The following LMNTD1 variants were observed in gnomAD, a reference collection of about 807,000 sequenced individuals.
The protein encoded by LMNTD1 is lamin tail domain containing 1, also known as lamin tail domain-containing protein 1.
In LMNTD1, 35 loss-of-function variants were observed where a neutral mutation model predicts 50.9. The observed-to-expected ratio is 0.69, with a 90% CI of 0.53 to 0.91. LMNTD1 has a LOEUF of 0.91. Ranked by LOEUF, LMNTD1 falls within the 40% of genes least tolerant of loss-of-function variation. The pLI is 0.00. For synonymous variants in LMNTD1, 153 were observed against 161.9 expected, an observed-to-expected ratio of 0.94 and a Z score of 0.42; for missense variants, 470 against 475.5, an observed-to-expected ratio of 0.99 and a Z score of 0.11.
chr12:25,599,922 A>G (rs1291425988), intron 1 of LMNTD1, among the ~76,000 whole-genome samples: 3 of 152,014 alleles, frequency 2.0e-5, no homozygotes, highest in African/African-American at 7.2e-5. Context: ...TACCAATGAC[A>G]TTCTACACAG....
At chr12:25,619,244 C>CTATATATATATATA (rs1191217404) in intron 1 of LMNTD1, among the ~76,000 whole-genome samples, 2 of 73,646 alleles carry the variant, frequency 2.7e-5, no homozygotes, top group Non-Finnish European at 5.4e-5. Context: ...CTCTCTCTCT[C>CTATATATATATATA]TCTCTCTCTA....
At chr12:25,550,615 G>C (rs1004963419) in intron 2 of LMNTD1, among the ~76,000 whole-genome samples, 1 of 152,120 alleles carries the variant, frequency 6.6e-6, no homozygotes, top group Non-Finnish European at 1.5e-5. Context: ...ATAAGATTAT[G>C]TTAGCCAACC....
chr12:25,623,553 C>CAAA lies in LMNTD1; in HGVS notation c.58+24938_58+24940dup, dbSNP rs57326398. On this transcript the variant is annotated intron_variant, in intron 1 of 7. Transcript: ENST00000445693. ...TGGGTGATAGAGCAAGACTCTGTCTCAAAAAAAAAAAAAAAAAAAAAAAAA... is the reference window on the plus strand; with the variant it reads ...TGGGTGATAGAGCAAGACTCTGTCTCAAAAAAAAAAAAAAAAAAAAAAAAAAAA... 5.2e-4 allele frequency among the ~76,000 whole-genome samples: 30 copies of CAAA among 57,550 alleles called. 4 individuals carry two copies. In the East Asian group the frequency reaches 9.3e-3, roughly 18 times the overall value. 37.8% of individuals were successfully genotyped at this position (57,550 alleles called of 152,430 possible).
intron 1 of LMNTD1, among the ~76,000 whole-genome samples, chr12:25,561,436 ATGTAGT>A (rs1944318424): frequency 6.6e-6 from 1 of 152,190 alleles, no homozygotes; most frequent in South Asian, 2.1e-4. Flanking sequence ...TTCAGTTTCC[ATGTAGT>A]TGAGCAGTTT....
chr12:25,519,788 T>G, intron 7 of LMNTD1, 70 bp downstream of exon 7: 1 of 974,304 alleles, frequency 1.0e-6, no homozygotes, highest in Admixed American at 1.9e-5. Context: ...TGTCATCTAG[T>G]CGTTCCCACA....
chr12:25,527,457 C>T (rs567347897), intron 4 of LMNTD1, among the ~76,000 whole-genome samples: 23 of 150,958 alleles, frequency 1.5e-4, no homozygotes, highest in Non-Finnish European at 3.1e-4. Flanking sequence ...TTTCTATGTA[C>T]GATCCAGGGA....
intron 9 of LMNTD1, among the ~76,000 whole-genome samples, chr12:25,499,159 C>A (rs1003593356): frequency 6.6e-6 from 1 of 152,156 alleles, no homozygotes; most frequent in East Asian, 1.9e-4. Context: ...GCAGACTTAA[C>A]CTCCTGGGCT....
chr12:25,541,766 C>A (rs1211439560), intron 4 of LMNTD1, among the ~76,000 whole-genome samples: 4 of 134,716 alleles, frequency 3.0e-5, no homozygotes, highest in Non-Finnish European at 4.8e-5. Context: ...AAAGAAACTA[C>A]CATCAGAGTG....
intron 1 of LMNTD1, among the ~76,000 whole-genome samples, chr12:25,628,030 C>T (rs941645348): frequency 7.7e-6 from 1 of 129,254 alleles, no homozygotes; most frequent in African/African-American, 2.9e-5. Flanking sequence ...ATGGCGTGAA[C>T]CCGGGAGGCG....
At chr12:25,478,956 A>C (rs1938357790) in intron 9 of LMNTD1, among the ~76,000 whole-genome samples, 1 of 151,686 alleles carries the variant, frequency 6.6e-6, no homozygotes, top group South Asian at 2.1e-4. Context: ...ACCTGGATTG[A>C]GCTGTTGTGG....
At chr12:25,628,961 C>T (rs1016783012) in intron 1 of LMNTD1, among the ~76,000 whole-genome samples, 2 of 152,202 alleles carry the variant, frequency 1.3e-5, no homozygotes, top group East Asian at 1.9e-4. Flanking sequence ...AAGCACTTCC[C>T]AAAGGTGGTA....
At chr12:25,559,186 A>C (rs1177095327) in intron 1 of LMNTD1, among the ~76,000 whole-genome samples, 5 of 151,380 alleles carry the variant, frequency 3.3e-5, no homozygotes, top group Non-Finnish European at 7.4e-5. Context: ...CTAATGCTAT[A>C]CCTCCCCCCT....
chr12:25,565,876 G>A (rs137987078), intron 1 of LMNTD1, among the ~76,000 whole-genome samples: 330 of 152,158 alleles, frequency 2.2e-3, no homozygotes, highest in African/African-American at 7.8e-3. Flanking sequence ...TAGTGTAAAC[G>A]TTTTTGTTGT....
intron 1 of LMNTD1, among the ~76,000 whole-genome samples, chr12:25,613,168 G>A (rs1946283406): frequency 6.6e-6 from 1 of 152,192 alleles, no homozygotes; most frequent in South Asian, 2.1e-4. Context: ...AAACCTTTAA[G>A]AGAATAAATG....
At chr12:25,513,354 A>G (rs958127093) in intron 8 of LMNTD1, among the ~76,000 whole-genome samples, 2 of 152,218 alleles carry the variant, frequency 1.3e-5, no homozygotes, top group South Asian at 4.1e-4. Context: ...AGGGGAAAAA[A>G]CAACCCATGT....
intron 4 of LMNTD1, among the ~76,000 whole-genome samples, chr12:25,538,317 C>G (rs1942768872): frequency 6.7e-6 from 1 of 149,914 alleles, no homozygotes; most frequent in Non-Finnish European, 1.5e-5. Context: ...TAAGGGCAAC[C>G]AGAGAGAAAG....
At chr12:25,489,584 T>C (rs1938814888) in intron 9 of LMNTD1, among the ~76,000 whole-genome samples, 1 of 150,200 alleles carries the variant, frequency 6.7e-6, no homozygotes. Flanking sequence ...AAATCACCAG[T>C]CTTCTGCGTC....
At chr12:25,646,846 T>G (rs567915939) in intron 1 of LMNTD1, among the ~76,000 whole-genome samples, 2 of 152,224 alleles carry the variant, frequency 1.3e-5, no homozygotes, top group Non-Finnish European at 2.9e-5. Context: ...TTGCCAGCAA[T>G]GTTGCTTTCA....
intron 1 of LMNTD1, among the ~76,000 whole-genome samples, chr12:25,577,111 G>A (rs1048384716): frequency 1.3e-5 from 2 of 152,180 alleles, no homozygotes; most frequent in African/African-American, 2.4e-5. Flanking sequence ...AGTATAGTTT[G>A]AAGTCAGGTA....
Sources: allele counts gnomAD v4.1 joint callset (sites outside exome capture counted in the v4.1 genomes callset), GRCh38; gene constraint gnomAD v4.1.1; transcripts MANE v1.5; gene names NCBI Gene and HGNC (gene_info 2026-07-23, HGNC 2026-07-21).